The following SOX6 variants were observed in gnomAD, a reference collection of about 807,000 sequenced individuals.
The protein encoded by SOX6 is SRY-box transcription factor 6.
SOX6 carries 11 observed loss-of-function variants against 97.8 expected under a neutral mutation model. The observed-to-expected ratio is 0.11, with a 90% CI of 0.07 to 0.19. The LOEUF is 0.19. SOX6 is among the 10% of genes least tolerant of loss of function. The pLI, the probability that SOX6 is intolerant of heterozygous loss-of-function variation, is 1.00. For synonymous variants in SOX6, 360 were observed against 371.4 expected, an observed-to-expected ratio of 0.97 and a Z score of 0.35; for missense variants, 810 against 1,039.5, an observed-to-expected ratio of 0.78 and a Z score of 3.04.
At chr11:16,316,454 C>T (rs1220278491) in intron 3 of SOX6, 1 of 151,538 alleles carries the variant, frequency 6.6e-6, no homozygotes, top group Admixed American at 6.6e-5. Flanking sequence ...AAAAAAAAAT[C>T]TGTAGAGTAT....
intron 4 of SOX6, among the ~76,000 whole-genome samples, chr11:16,519,477 C>G (rs1861022447): frequency 6.6e-6 from 1 of 152,086 alleles, no homozygotes; most frequent in Admixed American, 6.5e-5. Flanking sequence ...TTTAACTTAG[C>G]ATAATGGCTT....
chr11:16,422,455 A>C (rs977800784), intron 1 of SOX6, among the ~76,000 whole-genome samples: 1 of 152,348 alleles, frequency 6.6e-6, no homozygotes, highest in South Asian at 2.1e-4. Flanking sequence ...GTACTACTGA[A>C]GCAAAGAATA....
chr11:16,140,465 T>C (rs1850101900), intron 6 of SOX6, among the ~76,000 whole-genome samples: 1 of 152,222 alleles, frequency 6.6e-6, no homozygotes, highest in Non-Finnish European at 1.5e-5. Context: ...CTAAGTTTGA[T>C]ACCTGGCTCC....
chr11:15,983,390 G>C (rs1853729907), intron 15 of SOX6, among the ~76,000 whole-genome samples: 1 of 152,088 alleles, frequency 6.6e-6, no homozygotes, highest in Admixed American at 6.6e-5. Context: ...ATCAGCCACA[G>C]TTGTGTAGTC....
chr11:15,998,496 T>C (rs1199653286), intron 13 of SOX6, among the ~76,000 whole-genome samples: 1 of 128,902 alleles, frequency 7.8e-6, no homozygotes, highest in South Asian at 2.5e-4. Flanking sequence ...AATGTGATTG[T>C]TCCCAAATTT....
At chr11:16,309,705 T>C (rs1196571685) in intron 3 of SOX6, among the ~76,000 whole-genome samples, 1 of 152,108 alleles carries the variant, frequency 6.6e-6, no homozygotes, top group Non-Finnish European at 1.5e-5. Context: ...ATGTTTACAT[T>C]TACCACTTCC....
chr11:16,000,485 TAA>T (rs968898943), intron 13 of SOX6, among the ~76,000 whole-genome samples: 3 of 152,232 alleles, frequency 2.0e-5, no homozygotes, highest in African/African-American at 7.2e-5. Flanking sequence ...GTTGAATATA[TAA>T]GAGCCGATGG....
intron 6 of SOX6, among the ~76,000 whole-genome samples, chr11:16,175,960 G>T (rs1159758278): frequency 6.6e-6 from 1 of 151,800 alleles, no homozygotes; most frequent in East Asian, 1.9e-4. Context: ...TTTCTAGCTA[G>T]TAAGTAAAAC....
intron 2 of SOX6, among the ~76,000 whole-genome samples, chr11:16,729,906 G>T (rs953919623): frequency 6.6e-6 from 1 of 151,938 alleles, no homozygotes; most frequent in Non-Finnish European, 1.5e-5. Flanking sequence ...CAGAAAAAAA[G>T]CAGGGGTTGC....
chr11:16,576,686 T>C (rs541304222), intron 4 of SOX6, among the ~76,000 whole-genome samples: 1 of 152,294 alleles, frequency 6.6e-6, no homozygotes, highest in African/African-American at 2.4e-5. Flanking sequence ...ATATGAAGAC[T>C]TGGAGTTTTT....
At chr11:16,550,944 G>A (rs867111699) in intron 4 of SOX6, among the ~76,000 whole-genome samples, 101 of 152,234 alleles carry the variant, frequency 6.6e-4, no homozygotes, top group Admixed American at 7.2e-4. Context: ...AAGGCCAGGC[G>A]CAGTGGCTCA....
chr11:16,155,468 T>G (rs1850573690), intron 6 of SOX6, among the ~76,000 whole-genome samples: 1 of 152,124 alleles, frequency 6.6e-6, no homozygotes. Context: ...ACTATATAAG[T>G]GTTTTCTGTT....
intron 15 of SOX6, among the ~76,000 whole-genome samples, chr11:15,975,583 C>T (rs1016412248): frequency 3.9e-5 from 6 of 152,264 alleles, no homozygotes; most frequent in South Asian, 4.2e-4. Context: ...TTAAATTGAG[C>T]TCGTATTATG....
chr11:16,377,372 C>T (rs189571774), intron 1 of SOX6, among the ~76,000 whole-genome samples: 1 of 152,164 alleles, frequency 6.6e-6, no homozygotes, highest in East Asian at 1.9e-4. Flanking sequence ...TGAATTTTCT[C>T]CTCCACCAGA....
At position 16,196,826 on chromosome 11, in the gene SOX6, TCTTC is replaced by T. The variant is rs1306235968; in HGVS notation, c.536-9875_536-9872del. Reference sequence around the variant, plus strand: ...GACTGGTCCTCTGTCTTCTTCTTCTTCTTCTTTTTTTTTTTTTTTTTTTTTGAGA... The same window carrying T: ...GACTGGTCCTCTGTCTTCTTCTTCTTTTTTTTTTTTTTTTTTTTTTTGAGA... On this transcript the variant is annotated intron_variant, in intron 4 of 15. Coordinates refer to ENST00000683767, the MANE Select transcript of SOX6 (RefSeq NM_001367873.1). 7.5e-3 allele frequency among the ~76,000 whole-genome samples: 961 copies of T among 127,630 alleles called. 12 individuals are homozygous for T. The highest frequency in any genetic ancestry group is 0.027 in the African/African-American group (918 of 33,680). 83.7% of individuals were successfully genotyped at this position (127,630 alleles called of 152,430 possible).
At chr11:16,239,367 G>C (rs1387300977) in intron 3 of SOX6, among the ~76,000 whole-genome samples, 1 of 151,988 alleles carries the variant, frequency 6.6e-6, no homozygotes, top group Non-Finnish European at 1.5e-5. Flanking sequence ...GAACAAGGGA[G>C]TATAAATAGA....
At chr11:16,691,747 A>G (rs569666682) in intron 3 of SOX6, among the ~76,000 whole-genome samples, 49 of 152,328 alleles carry the variant, frequency 3.2e-4, no homozygotes, top group African/African-American at 1.0e-3. Flanking sequence ...CAGTGAGCCA[A>G]GATTGCACCA....
intron 3 of SOX6, among the ~76,000 whole-genome samples, chr11:16,665,695 T>C (rs952672824): frequency 6.6e-6 from 1 of 152,146 alleles, no homozygotes; most frequent in Non-Finnish European, 1.5e-5. Flanking sequence ...TCAGTAAACA[T>C]AGGCAATAGG....
intron 3 of SOX6, among the ~76,000 whole-genome samples, chr11:16,239,381 T>C (rs1054216290): frequency 1.3e-5 from 2 of 152,026 alleles, no homozygotes; most frequent in Non-Finnish European, 2.9e-5. Context: ...AAATAGAGGC[T>C]GTTTTCAGGC....
Sources: gnomAD v4.1 joint callset for allele counts (sites outside exome capture counted in the v4.1 genomes callset) on GRCh38, gnomAD v4.1.1 for gene constraint, MANE v1.5 for transcripts, NCBI Gene and HGNC (gene_info 2026-07-23, HGNC 2026-07-21) for gene names.